The following ABCG2 variants were observed in gnomAD, a reference collection of about 807,000 sequenced individuals.
ABCG2 encodes the protein broad substrate specificity ATP-binding cassette transporter ABCG2.
In ABCG2, 80 loss-of-function variants were observed where a neutral mutation model predicts 73.5. That is an observed-to-expected ratio of 1.09 (90% CI 0.91 to 1.31). ABCG2 has a LOEUF of 1.31. Among genes scored for constraint, ABCG2 ranks in the 50% most tolerant of loss-of-function variants. The pLI, the probability that ABCG2 is intolerant of heterozygous loss-of-function variation, is 0.00. For synonymous variants in ABCG2, 269 were observed against 282.4 expected, an observed-to-expected ratio of 0.95 and a Z score of 0.48; for missense variants, 796 against 786.2, an observed-to-expected ratio of 1.01 and a Z score of -0.15.
At chr4:88,097,750 C>T (rs921022047) in intron 12 of ABCG2, 143 bp from the exon 13 acceptor site, 5 of 822,732 alleles carry the variant, frequency 6.1e-6, no homozygotes, top group South Asian at 3.7e-5. Context: ...CAACCACCCT[C>T]GGTCTCCAAT....
rs1413439491 is a variant in ABCG2 at position 88,158,402 on chromosome 4, C to T, written c.-36G>A. 2.4e-6 allele frequency: 1 copy of T among 417,832 alleles called. No homozygotes were observed. Among genetic ancestry groups the T allele is most frequent in the East Asian group, 7.1e-5 (1 of 13,996 alleles). The allele number at this position is 417,832 out of a possible 1,614,324, so 25.9% of individuals were successfully genotyped here. On this transcript the variant is annotated 5_prime_UTR_variant, in exon 1 of 16. Coordinates refer to ENST00000237612, the MANE Select transcript of ABCG2 (RefSeq NM_004827.3). ...TTTACTCACTCAGCTTAATAGAGCT[C>T]GGTCTTAACCAAAGGCTCAGGATCT...
chr4:88,153,837 T>C (rs1454444049), intron 1 of ABCG2, among the ~76,000 whole-genome samples: 1 of 152,042 alleles, frequency 6.6e-6, no homozygotes, highest in Non-Finnish European at 1.5e-5. Flanking sequence ...AACCCCGAGC[T>C]TGATGTGTAG....
At chr4:88,230,308 T>TATATATATATATATATATATATATATCTA (rs746680651) in intron 1 of ABCG2, among the ~76,000 whole-genome samples, 1 of 96,236 alleles carries the variant, frequency 1.0e-5, no homozygotes, top group African/African-American at 4.3e-5. Flanking sequence ...TATATATATA[T>TATATATATATATATATATATATATATCTA]TTTTTTTTTT....
At chr4:88,179,223 G>A (rs186031083) in intron 1 of ABCG2, among the ~76,000 whole-genome samples, 105 of 152,290 alleles carry the variant, frequency 6.9e-4, no homozygotes, top group Middle Eastern at 3.4e-3. Context: ...CATTTGTTTG[G>A]GAGAAAGTAA....
In ABCG2 at chr4:88,211,629, G is replaced by A. The variant is rs147550817; in HGVS notation, c.-20+19365C>T. Among the ~76,000 whole-genome samples the A allele has an allele frequency of 9.4e-3, 1,430 of 152,226 alleles. 22 individuals carry two copies. The highest frequency in any genetic ancestry group is 0.032 in the African/African-American group (1,312 of 41,524). ...AGACGGGGTTTCACTGTGTTAGCCA[G>A]GATGGGCTCGATCTCCTGACCACGT... On this transcript the variant is annotated intron_variant, in intron 1 of 15. Transcript: ENST00000515655.
intron 1 of ABCG2, among the ~76,000 whole-genome samples, chr4:88,175,563 C>G (rs1458927303): frequency 6.6e-6 from 1 of 152,188 alleles, no homozygotes; most frequent in Non-Finnish European, 1.5e-5. Flanking sequence ...AAGTGTGATT[C>G]TATATCACAA....
At chr4:88,157,950 G>A (rs771357445) in intron 1 of ABCG2, among the ~76,000 whole-genome samples, 1 of 151,954 alleles carries the variant, frequency 6.6e-6, no homozygotes, top group African/African-American at 2.4e-5. Context: ...AGCTTTAAAG[G>A]GATTGACCAA....
intron 1 of ABCG2, among the ~76,000 whole-genome samples, chr4:88,166,997 A>G (rs1057446221): frequency 6.6e-6 from 1 of 152,100 alleles, no homozygotes; most frequent in Non-Finnish European, 1.5e-5. Context: ...TTTGTTTTCT[A>G]TTGCTTGAGT....
At chr4:88,177,581 C>T (rs1016242794) in intron 1 of ABCG2, among the ~76,000 whole-genome samples, 3 of 152,118 alleles carry the variant, frequency 2.0e-5, no homozygotes, top group East Asian at 1.9e-4. Context: ...CCACTATCTA[C>T]CCCAAAAAGC....
At chr4:88,192,494 A>T (rs1728728798) in intron 1 of ABCG2, among the ~76,000 whole-genome samples, 1 of 151,808 alleles carries the variant, frequency 6.6e-6, no homozygotes, top group South Asian at 2.1e-4. Context: ...ATCTCGGCTC[A>T]CTACAAGCTC....
Position 88,113,173 on chromosome 4 carries a change from T to G in ABCG2, c.1194+130A>C, listed in dbSNP as rs979767491. The G allele has an allele frequency of 5.5e-5, 69 of 1,260,758 alleles. No individual in the cohort carries two copies. The African/African-American group carries it at 8.6e-4, about 16-fold the overall frequency. The allele number at this position is 1,260,758 out of a possible 1,614,324, so 78.1% of individuals were successfully genotyped here. A position where few individuals can be genotyped will look rare whatever the true frequency, so the allele number is the denominator to read the frequency against. ...TCCTTTATTTGTTCTGCTGACTGGTTCTATATCCCAGGTGGAGTGAAGATA... is the reference window on the plus strand; with the variant it reads ...TCCTTTATTTGTTCTGCTGACTGGTGCTATATCCCAGGTGGAGTGAAGATA... On this transcript the variant is annotated intron_variant, in intron 9 of 15. Transcript: ENST00000237612.
intron 1 of ABCG2, among the ~76,000 whole-genome samples, chr4:88,153,335 G>A (rs1726671219): frequency 6.6e-6 from 1 of 152,112 alleles, no homozygotes; most frequent in South Asian, 2.1e-4. Context: ...CTGGTGTCTG[G>A]AATGAGACTG....
At position 88,139,868 on chromosome 4, in the gene ABCG2, C is replaced by A; in HGVS notation, c.128G>T (p.Cys43Phe). Residue 43 changes from cysteine to phenylalanine, a missense_variant, in exon 2 of 16, where the codon TGC becomes TTC. Cys to Phe is a radical substitution (Grantham distance 205). Transcript: ENST00000237612. ...EGAVLSFHNICYRVKLKSGFL... is the reference protein window; with the variant it reads ...EGAVLSFHNIFYRVKLKSGFL... ...GCCACTCTTCAGTTTTACTCGATAG[C>A]AGATGTTATGAAAACTTAACACAGC... 2 of 1,614,164 alleles carry A rather than the reference C, an allele frequency of 1.2e-6. No individual in the cohort carries two copies. The highest frequency in any genetic ancestry group is 1.7e-6 in the Non-Finnish European group (2 of 1,180,032).
In ABCG2 at chr4:88,118,095, A is replaced by G. The variant is rs928922565; in HGVS notation, c.841+14T>C. On this transcript the variant is annotated intron_variant, in intron 7 of 15. Coordinates refer to ENST00000237612, the MANE Select transcript of ABCG2 (RefSeq NM_004827.3). Reference sequence around the variant, plus strand: ...TTAATGAAGCATTTTACAGCATAAAAAAGTCAACCATACCAGCTGATTCAA... The same window carrying G: ...TTAATGAAGCATTTTACAGCATAAAGAAGTCAACCATACCAGCTGATTCAA... 2 of 1,609,592 alleles carry G rather than the reference A, an allele frequency of 1.2e-6. No individual in the cohort carries two copies. Among genetic ancestry groups the G allele is most frequent in the Non-Finnish European group, 1.7e-6 (2 of 1,178,414 alleles).
chr4:88,225,861 G>T (rs1003876264), intron 1 of ABCG2, among the ~76,000 whole-genome samples: 5 of 152,156 alleles, frequency 3.3e-5, no homozygotes, highest in Admixed American at 1.3e-4. Flanking sequence ...GAGGGCAAAA[G>T]GCACATCTTA....
chr4:88,140,144 G>C, intron 1 of ABCG2, 130 bp from the exon 2 acceptor site: 1 of 745,852 alleles, frequency 1.3e-6, no homozygotes, highest in Non-Finnish European at 2.2e-6. Context: ...CCAATGAATG[G>C]CCCATACCAT....
chr4:88,224,688 T>A (rs1730138387), intron 1 of ABCG2, among the ~76,000 whole-genome samples: 1 of 152,198 alleles, frequency 6.6e-6, no homozygotes, highest in African/African-American at 2.4e-5. Context: ...ATAAAAGTTT[T>A]AAATTTTTTT....
upstream of ABCG2, among the ~76,000 whole-genome samples, chr4:88,163,254 A>G (rs1317779139): frequency 6.6e-6 from 1 of 152,206 alleles, no homozygotes; most frequent in Non-Finnish European, 1.5e-5. Flanking sequence ...TCAGTCTATA[A>G]TGGTGCAAAC....
At chr4:88,194,979 C>T (rs895353884) in intron 1 of ABCG2, among the ~76,000 whole-genome samples, 10 of 152,156 alleles carry the variant, frequency 6.6e-5, no homozygotes, top group Non-Finnish European at 2.9e-5. Flanking sequence ...AAAGGAATCT[C>T]TTTGTGGAGA....
Sources: allele counts gnomAD v4.1 joint callset (sites outside exome capture counted in the v4.1 genomes callset), GRCh38; gene constraint gnomAD v4.1.1; transcripts MANE v1.5; gene names NCBI Gene and HGNC (gene_info 2026-07-23, HGNC 2026-07-21).